The following KAT6B variants were observed in gnomAD, a reference collection of about 807,000 sequenced individuals.
KAT6B encodes lysine acetyltransferase 6B.
KAT6B carries 10 observed loss-of-function variants against 187.5 expected under a neutral mutation model. The ratio of observed to expected loss-of-function variants is 0.05; its 90% CI spans 0.03 to 0.09. The LOEUF (loss-of-function observed/expected upper bound fraction) is 0.09, where lower values mean the gene tolerates loss of function less well. Among genes scored for constraint, KAT6B ranks in the 10% least tolerant of loss-of-function variants. The probability of loss-of-function intolerance (pLI) is 1.00; values close to 1 mark genes in which losing one functional copy is unlikely to be tolerated. For synonymous variants in KAT6B, 861 were observed against 926.8 expected, an observed-to-expected ratio of 0.93 and a Z score of 1.29; for missense variants, 1,952 against 2,558.9, an observed-to-expected ratio of 0.76 and a Z score of 5.12.
At position 75,020,622 on chromosome 10, in the gene KAT6B, TGAAAAG is replaced by T; in HGVS notation, c.2671_2676del (p.Glu891_Lys892del). 1 of 1,614,246 alleles carries T rather than the reference TGAAAAG, an allele frequency of 6.2e-7. No individual in the cohort carries two copies. The highest frequency in any genetic ancestry group is 8.5e-7 in the Non-Finnish European group (1 of 1,180,042). On this transcript the variant is annotated inframe_deletion, in exon 14 of 18. Coordinates refer to ENST00000287239, the MANE Select transcript of KAT6B (RefSeq NM_012330.4). ...GAAGAGAAGGCCAAGCAGGGTCTCC[TGAAAAG>T]CCTCTCTCCGATCTGGGCCGTCTCT...
chr10:75,018,812 G>T (rs1845177825), intron 13 of KAT6B, among the ~76,000 whole-genome samples: 1 of 152,084 alleles, frequency 6.6e-6, no homozygotes, highest in Non-Finnish European at 1.5e-5. Flanking sequence ...CACTGCAGGG[G>T]ACTTTCAATT....
intron 3 of KAT6B, among the ~76,000 whole-genome samples, chr10:74,892,709 C>T (rs574476137): frequency 3.3e-5 from 5 of 152,070 alleles, no homozygotes; most frequent in Admixed American, 1.3e-4. Context: ...TCAGAGATTA[C>T]GGTTGAATTC....
At chr10:74,904,542 G>A (rs1846619990) in intron 3 of KAT6B, among the ~76,000 whole-genome samples, 2 of 152,220 alleles carry the variant, frequency 1.3e-5, no homozygotes, top group African/African-American at 4.8e-5. Context: ...CTCATAGGGA[G>A]AGATTGTACA....
At chr10:74,880,288 C>T (rs553489832) in intron 3 of KAT6B, among the ~76,000 whole-genome samples, 6 of 152,196 alleles carry the variant, frequency 3.9e-5, no homozygotes, top group Admixed American at 1.3e-4. Context: ...TATAACTTTG[C>T]GTATTTTAGA....
intron 17 of KAT6B, among the ~76,000 whole-genome samples, chr10:75,028,139 C>T (rs1280576986): frequency 6.6e-6 from 1 of 152,074 alleles, no homozygotes; most frequent in African/African-American, 2.4e-5. Flanking sequence ...AATTCCTTTC[C>T]CCTATATTTC....
At chr10:74,985,047 T>C in intron 11 of KAT6B, 33 bp from the exon 12 acceptor site, 11 of 1,591,194 alleles carry the variant, frequency 6.9e-6, no homozygotes, top group Non-Finnish European at 9.5e-6. Flanking sequence ...AGTATTTTTA[T>C]GTTAAATAAT....
chr10:74,885,072 T>A (rs116943003), intron 3 of KAT6B, among the ~76,000 whole-genome samples: 9,450 of 151,310 alleles, frequency 0.062, 329 homozygotes, highest in East Asian at 0.14. Flanking sequence ...TTAATTAATT[T>A]ATTTATTTAT....
chr10:74,893,469 G>GT (rs1845776131), intron 3 of KAT6B, among the ~76,000 whole-genome samples: 2 of 144,318 alleles, frequency 1.4e-5, no homozygotes, highest in East Asian at 2.0e-4. Flanking sequence ...TTTTTTTTTT[G>GT]TTTTTTGTTT....
At chr10:74,961,204 A>G (rs1015477542) in intron 4 of KAT6B, among the ~76,000 whole-genome samples, 28 of 152,202 alleles carry the variant, frequency 1.8e-4, no homozygotes, top group African/African-American at 6.8e-4. Context: ...CATTATCTGT[A>G]CGTTCAGTTT....
rs141054802 is a variant in KAT6B, at chr10:74,891,678, G to A, written c.621+48200G>A. 2.2e-3 allele frequency among the ~76,000 whole-genome samples: 342 copies of A among 152,230 alleles called. 1 individual carries two copies. Among genetic ancestry groups the A allele is most frequent in the African/African-American group, 7.9e-3 (326 of 41,524 alleles). On this transcript the variant is annotated intron_variant, in intron 3 of 17. Transcript: ENST00000287239. ...TGCATTAAGGATTTTAGCCCTTCTG[G>A]GAGCTTTTATTTTTTTGTTGACTCT...
chr10:75,020,853 T>G, intron 14 of KAT6B, 40 bp downstream of exon 14: 1 of 1,540,702 alleles, frequency 6.5e-7, no homozygotes, highest in South Asian at 1.1e-5. Context: ...GGCTCAGGCA[T>G]CCCACACCAG....
At chr10:74,852,749 G>C (rs1842555138) in intron 3 of KAT6B, among the ~76,000 whole-genome samples, 1 of 152,212 alleles carries the variant, frequency 6.6e-6, no homozygotes. Flanking sequence ...TTGTTCAAAT[G>C]AATGTTAAAC....
intron 1 of KAT6B, among the ~76,000 whole-genome samples, chr10:74,834,258 C>T (rs988958751): frequency 6.0e-5 from 9 of 150,604 alleles, no homozygotes; most frequent in African/African-American, 2.2e-4. Flanking sequence ...AGTGCAGTGG[C>T]GCGATCTCGG....
At chr10:74,881,506 T>C (rs1013381779) in intron 3 of KAT6B, among the ~76,000 whole-genome samples, 7 of 152,176 alleles carry the variant, frequency 4.6e-5, no homozygotes, top group Non-Finnish European at 1.5e-5. Context: ...CCTTCTGTGC[T>C]CCACCCTCTG....
At chr10:74,838,355 TTTTTGTTTTTG>T (rs1202754749) in intron 1 of KAT6B, among the ~76,000 whole-genome samples, 1 of 152,080 alleles carries the variant, frequency 6.6e-6, no homozygotes, top group Non-Finnish European at 1.5e-5. Context: ...TAGTAGTGGG[TTTTTGTTTTTG>T]TTTTGTTTTT....
At chr10:75,019,105 T>G (rs1845198212) in intron 13 of KAT6B, among the ~76,000 whole-genome samples, 1 of 152,212 alleles carries the variant, frequency 6.6e-6, no homozygotes, top group Non-Finnish European at 1.5e-5. Flanking sequence ...TTAGCATTCC[T>G]GACACACTGC....
At chr10:74,850,845 T>G (rs1234852853) in intron 3 of KAT6B, among the ~76,000 whole-genome samples, 1 of 152,210 alleles carries the variant, frequency 6.6e-6, no homozygotes. Context: ...TAAAATAAAT[T>G]CCATAGTATT....
chr10:74,944,061 T>TC (rs1180860416), intron 3 of KAT6B, among the ~76,000 whole-genome samples: 2 of 152,182 alleles, frequency 1.3e-5, no homozygotes, highest in African/African-American at 4.8e-5. Flanking sequence ...CCCTTGGTAT[T>TC]AAGGCTTTTG....
intron 3 of KAT6B, among the ~76,000 whole-genome samples, chr10:74,925,160 C>G (rs1303264588): frequency 1.3e-5 from 2 of 152,154 alleles, no homozygotes; most frequent in Non-Finnish European, 2.9e-5. Flanking sequence ...CCTACCTCAG[C>G]CTCCCAATTA....
Sources: allele counts gnomAD v4.1 joint callset (sites outside exome capture counted in the v4.1 genomes callset), GRCh38; gene constraint gnomAD v4.1.1; transcripts MANE v1.5; gene names NCBI Gene and HGNC (gene_info 2026-07-23, HGNC 2026-07-21).